The following RNF111 variants were observed in gnomAD, a reference collection of about 807,000 sequenced individuals.
RNF111 encodes E3 ubiquitin-protein ligase Arkadia.
Under a neutral mutation model 95.1 loss-of-function variants are expected in RNF111, and 17 were observed. The observed-to-expected ratio is 0.18, with a 90% CI of 0.12 to 0.27. The LOEUF is 0.27. RNF111 is among the 10% of genes least tolerant of loss of function. The pLI, the probability that RNF111 is intolerant of heterozygous loss-of-function variation, is 1.00. For synonymous variants in RNF111, 440 were observed against 414.8 expected (o/e 1.06, Z -0.74); for missense variants, 1,189 against 1,210.4 (o/e 0.98, Z 0.26).
chr15:59,046,196 T>C (rs1327650161), intron 2 of RNF111, among the ~76,000 whole-genome samples: 2 of 152,074 alleles, frequency 1.3e-5, no homozygotes, highest in African/African-American at 4.8e-5. Context: ...TTTTTTTTTT[T>C]TCCCTTTAAT....
chr15:59,095,043 C>A lies in RNF111; in HGVS notation c.*143C>A. ...GCTCTGCTATATGGTACAACTAATG[C>A]TAGACCTACAGTTTATGTATACAGT... On this transcript the variant is annotated 3_prime_UTR_variant, in exon 14 of 14. Coordinates refer to ENST00000348370, the MANE Select transcript of RNF111 (RefSeq NM_017610.8). 1 of 695,196 alleles carries A rather than the reference C, an allele frequency of 1.4e-6. No homozygotes were observed. The highest frequency in any genetic ancestry group is 2.6e-6 in the Non-Finnish European group (1 of 386,712). The allele number at this position is 695,196 out of a possible 1,614,324, so 43.1% of individuals were successfully genotyped here.
chr15:59,013,831 C>G (rs995511055), intron 1 of RNF111, among the ~76,000 whole-genome samples: 10 of 151,936 alleles, frequency 6.6e-5, no homozygotes, highest in Admixed American at 6.6e-4. Flanking sequence ...CTCTGTTGCC[C>G]AGGCTGGAGT....
intron 1 of RNF111, among the ~76,000 whole-genome samples, chr15:58,989,405 A>G (rs1352124686): frequency 6.6e-6 from 1 of 152,208 alleles, no homozygotes; most frequent in Non-Finnish European, 1.5e-5. Flanking sequence ...TTTGTTTGTG[A>G]CCAAAGATTC....
intron 6 of RNF111, among the ~76,000 whole-genome samples, 158 bp downstream of exon 6, chr15:59,067,241 CTTTT>C (rs60929391): frequency 7.1e-6 from 1 of 141,236 alleles, no homozygotes; most frequent in African/African-American, 2.6e-5. Context: ...CCTCCGTTTC[CTTTT>C]TTTTTTTTTA....
chr15:59,073,829 A>G (rs973551355), intron 6 of RNF111, among the ~76,000 whole-genome samples: 2 of 152,194 alleles, frequency 1.3e-5, no homozygotes, highest in African/African-American at 4.8e-5. Context: ...TTATTATGGC[A>G]GCTATAGCCT....
At position 59,070,860 on chromosome 15, in the gene RNF111, T is replaced by TAA. The variant is rs1461728611; in HGVS notation, c.1686+3777_1686+3778insAA. 2.6e-5 allele frequency among the ~76,000 whole-genome samples: 4 copies of TAA among 152,162 alleles called. No individual in the cohort carries two copies. The East Asian group carries it at 7.7e-4, about 29-fold the overall frequency. ...CCTTTGACAAATGCATTACCCTAGG[T>TAA]TTTTTCATCTCCAGCCCCTCAGCTT... is the stretch of plus-strand genomic sequence containing the variant. On this transcript the variant is annotated intron_variant, in intron 6 of 13. Transcript: ENST00000348370.
At chr15:59,080,709 A>G (rs1475428229) in intron 7 of RNF111, among the ~76,000 whole-genome samples, 1 of 152,132 alleles carries the variant, frequency 6.6e-6, no homozygotes, top group African/African-American at 2.4e-5. Flanking sequence ...GAATGTTGTG[A>G]AGCTGTGAGT....
In RNF111 at chr15:59,002,566, A is replaced by C. The variant is rs1277732950; in HGVS notation, c.-20+14498A>C. On this transcript the variant is annotated intron_variant, in intron 1 of 13. Transcript: ENST00000348370. ...ACTGTGCATTTAATTAAAAAAAAAA[A>C]AAGAGAGAGAGTGACCAAACTCAAC... 2.6e-5 allele frequency among the ~76,000 whole-genome samples: 4 copies of C among 152,256 alleles called. No homozygotes were observed. In the East Asian group the frequency reaches 7.7e-4, roughly 29 times the overall value.
chr15:59,030,693 G>C (rs2040859839), intron 1 of RNF111, 111 bp from the exon 2 acceptor site: 1 of 704,796 alleles, frequency 1.4e-6, no homozygotes, highest in African/African-American at 1.8e-5. Context: ...ATGAGGAAAA[G>C]ACAGTTCTGC....
chr15:59,031,267 G>A lies in RNF111; in HGVS notation c.445G>A (p.Asp149Asn). The change falls in exon 2 of 14, where the codon GAT becomes AAT. Residue 149 changes from aspartate to asparagine, a missense_variant. By Grantham distance (23) the Asp-to-Asn change is conservative. This residue lies in a region of RNF111 where 1,024 missense variants were observed against 925.9 expected (regional missense o/e 1.11). Coordinates refer to ENST00000348370, the MANE Select transcript of RNF111 (RefSeq NM_017610.8). ...SSPSSSLHFG[D>N]SDTVTSDEDK... ...TCCTTCATCTAGTCTGCATTTTGGA[G>A]ATTCTGATACTGTGACTTCAGATGA... is the stretch of plus-strand genomic sequence containing the variant. 6.2e-7 allele frequency: 1 copy of A among 1,614,118 alleles called. No individual in the cohort carries two copies. Among genetic ancestry groups the A allele is most frequent in the Non-Finnish European group, 8.5e-7 (1 of 1,180,026 alleles).
intron 1 of RNF111, among the ~76,000 whole-genome samples, chr15:59,012,499 A>T (rs1377063505): frequency 6.6e-6 from 1 of 152,232 alleles, no homozygotes; most frequent in Non-Finnish European, 1.5e-5. Flanking sequence ...TGCTTTGTGT[A>T]CGTATTGACT....
Position 59,095,161 on chromosome 15 carries a change from T to A in RNF111, c.*261T>A. 2.8e-6 allele frequency: 1 copy of A among 361,444 alleles called. No homozygotes were observed. Among genetic ancestry groups the A allele is most frequent in the Non-Finnish European group, 5.1e-6 (1 of 197,660 alleles). 22.4% of individuals were successfully genotyped at this position (361,444 alleles called of 1,614,324 possible). ...TTTTTGCATGGTTCCTTGTATTGCA[T>A]TTCTTTGCACATATTATGGGCTTGT... On this transcript the variant is annotated 3_prime_UTR_variant, in exon 14 of 14. Coordinates refer to ENST00000348370, the MANE Select transcript of RNF111 (RefSeq NM_017610.8).
At chr15:59,018,057 C>A (rs763341178) in intron 1 of RNF111, among the ~76,000 whole-genome samples, 21 of 152,076 alleles carry the variant, frequency 1.4e-4, no homozygotes, top group Non-Finnish European at 2.9e-4. Context: ...CCACGCCCGG[C>A]CTATTTGTTG....
chr15:59,089,583 G>A, intron 10 of RNF111, 84 bp from the exon 11 acceptor site: 1 of 1,033,404 alleles, frequency 9.7e-7, no homozygotes, highest in South Asian at 1.3e-5. Flanking sequence ...TGAAAACATT[G>A]AGGGTCTTGA....
At chr15:59,059,151 C>G (rs1017130302) in intron 5 of RNF111, among the ~76,000 whole-genome samples, 2 of 151,948 alleles carry the variant, frequency 1.3e-5, no homozygotes, top group Admixed American at 1.3e-4. Context: ...AAGAAACAAA[C>G]AAAAAGCCCC....
At chr15:59,065,946 T>C (rs2042636855) in intron 5 of RNF111, among the ~76,000 whole-genome samples, 1 of 151,658 alleles carries the variant, frequency 6.6e-6, no homozygotes, top group African/African-American at 2.4e-5. Context: ...ATATATACAA[T>C]GTATATATTT....
At chr15:59,010,944 A>T (rs2039772630) in intron 1 of RNF111, among the ~76,000 whole-genome samples, 1 of 152,134 alleles carries the variant, frequency 6.6e-6, no homozygotes, top group Admixed American at 6.5e-5. Flanking sequence ...AGTTTTTCAT[A>T]TGCTCAAAAG....
intron 1 of RNF111, among the ~76,000 whole-genome samples, chr15:59,022,241 G>A (rs867327164): frequency 2.6e-5 from 4 of 152,132 alleles, no homozygotes; most frequent in Non-Finnish European, 4.4e-5. Context: ...TTGTCTGTTA[G>A]CTAGTTCTCT....
intron 10 of RNF111, among the ~76,000 whole-genome samples, chr15:59,087,073 T>C (rs1466054287): frequency 6.6e-6 from 1 of 152,210 alleles, no homozygotes; most frequent in Non-Finnish European, 1.5e-5. Flanking sequence ...AGGTCTTGGA[T>C]GTACTGAATC....
Sources: gnomAD v4.1 joint callset for allele counts (sites outside exome capture counted in the v4.1 genomes callset) on GRCh38, gnomAD v4.1.1 for gene constraint, gnomAD v4.1.1 regional missense constraint, MANE v1.5 for transcripts, NCBI Gene and HGNC (gene_info 2026-07-23, HGNC 2026-07-21) for gene names.